The following QKI variants were observed in gnomAD, a reference collection of about 807,000 sequenced individuals.
QKI encodes QKI, KH domain containing RNA binding.
A neutral mutation model predicts 39.0 loss-of-function variants in QKI; 10 were observed. The ratio of observed to expected loss-of-function variants is 0.26; its 90% confidence interval spans 0.16 to 0.43. QKI has a LOEUF of 0.43. Among genes scored for constraint, QKI ranks in the 20% least tolerant of loss-of-function variants. The pLI is 1.00. For synonymous variants in QKI, 204 were observed against 155.4 expected, an observed-to-expected ratio of 1.31 and a Z score of -2.33; for missense variants, 218 against 428.0, an observed-to-expected ratio of 0.51 and a Z score of 4.33.
At chr6:163,434,954 A>T (rs1030815342) in intron 1 of QKI, among the ~76,000 whole-genome samples, 5 of 152,168 alleles carry the variant, frequency 3.3e-5, no homozygotes, top group African/African-American at 1.2e-4. Context: ...TGGTAAATTA[A>T]ACTGTAAAAT....
chr6:163,437,118 C>A (rs1426006586), intron 1 of QKI, among the ~76,000 whole-genome samples: 1 of 152,042 alleles, frequency 6.6e-6, no homozygotes, highest in South Asian at 2.1e-4. Flanking sequence ...AGAGGTAAAG[C>A]CTTTGTGAGA....
Position 163,495,166 on chromosome 6 carries a change from C to T in QKI, c.402+16270C>T, listed in dbSNP as rs771760749. Among the ~76,000 whole-genome samples, 11 of 152,092 alleles carry T rather than the reference C, an allele frequency of 7.2e-5. 1 individual carries two copies. On this transcript the variant is annotated intron_variant, in intron 3 of 7. Coordinates refer to ENST00000361752, the MANE Select transcript of QKI (RefSeq NM_006775.3). ...CTGACCTCAAGTGATCTGCCTGCCT[C>T]GGCCTCCCAAAGTGCTGGGATTACA...
chr6:163,521,356 A>C (rs934803359), intron 3 of QKI, among the ~76,000 whole-genome samples: 2 of 152,176 alleles, frequency 1.3e-5, no homozygotes, highest in African/African-American at 4.8e-5. Flanking sequence ...AGATATTTAA[A>C]TGTGTTAAAC....
Position 163,532,379 on chromosome 6 carries a change from G to A in QKI, c.403-2603G>A, listed in dbSNP as rs567613154. On this transcript the variant is annotated intron_variant, in intron 3 of 7. Coordinates refer to ENST00000361752, the MANE Select transcript of QKI (RefSeq NM_006775.3). ...TTGATTGGGGGGGAGGTGGTCTCAT[G>A]TATTGCATTTTTCTTGCTGCTTTGC... 4.6e-5 allele frequency among the ~76,000 whole-genome samples: 7 copies of A among 152,280 alleles called. No individual in the cohort carries two copies. The South Asian group carries it at 1.5e-3, about 32-fold the overall frequency.
chr6:163,568,659 A>C (rs552629773), intron 7 of QKI: 1 of 976,864 alleles, frequency 1.0e-6, no homozygotes, highest in Non-Finnish European at 1.2e-6. Context: ...TTTGAAGAGA[A>C]GTTTATTAGT....
chr6:163,559,201 C>T (rs911329414), intron 4 of QKI, among the ~76,000 whole-genome samples: 1 of 151,660 alleles, frequency 6.6e-6, no homozygotes, highest in Non-Finnish European at 1.5e-5. Context: ...ACTCGTCTTT[C>T]GTCTTTATTT....
chr6:163,433,284 A>G (rs1370727769), intron 1 of QKI, among the ~76,000 whole-genome samples: 2 of 152,206 alleles, frequency 1.3e-5, no homozygotes, highest in Non-Finnish European at 2.9e-5. Context: ...ATTTAAAGAC[A>G]GATGGCTTGA....
At chr6:163,483,267 G>A (rs1793218325) in intron 3 of QKI, among the ~76,000 whole-genome samples, 2 of 152,190 alleles carry the variant, frequency 1.3e-5, no homozygotes, top group Admixed American at 1.3e-4. Flanking sequence ...GGAAGGCCTT[G>A]CCTGGATGTT....
At chr6:163,505,872 G>A (rs558537190) in intron 3 of QKI, among the ~76,000 whole-genome samples, 5 of 152,020 alleles carry the variant, frequency 3.3e-5, no homozygotes, top group African/African-American at 1.2e-4. Flanking sequence ...GGTCAGGGGC[G>A]GAATTACATG....
intron 3 of QKI, among the ~76,000 whole-genome samples, chr6:163,510,217 AAATAATAAT>A (rs142297811): frequency 0.37 from 50,892 of 136,026 alleles, 10,486 homozygotes; most frequent in East Asian, 0.54. Context: ...CTCTATCTCA[AAATAATAAT>A]AATAATAATA....
At chr6:163,445,950 C>G (rs919535275) in intron 1 of QKI, among the ~76,000 whole-genome samples, 5 of 152,158 alleles carry the variant, frequency 3.3e-5, no homozygotes, top group African/African-American at 1.2e-4. Flanking sequence ...GTAATATTAA[C>G]TTTGATTAGT....
chr6:163,518,713 A>T (rs1262690329), intron 3 of QKI, among the ~76,000 whole-genome samples: 3 of 152,202 alleles, frequency 2.0e-5, no homozygotes, highest in Admixed American at 2.0e-4. Context: ...AGTTTTATAC[A>T]TGTAAATAAA....
At chr6:163,431,354 TGC>T (rs1788815609) in intron 1 of QKI, among the ~76,000 whole-genome samples, 1 of 152,174 alleles carries the variant, frequency 6.6e-6, no homozygotes, top group Non-Finnish European at 1.5e-5. Context: ...AATTAAGATG[TGC>T]TGTTTTTTAA....
intron 6 of QKI, chr6:163,564,526 G>A: frequency 6.6e-7 from 1 of 1,509,052 alleles, no homozygotes; most frequent in Non-Finnish European, 8.8e-7. Context: ...GTACAGTATG[G>A]AATAGTTAAA....
chr6:163,441,169 A>G (rs1179335599), intron 1 of QKI, among the ~76,000 whole-genome samples: 1 of 152,138 alleles, frequency 6.6e-6, no homozygotes. Flanking sequence ...AGATGCCTGT[A>G]TATTTTATTT....
intron 3 of QKI, among the ~76,000 whole-genome samples, chr6:163,531,344 C>T (rs1422231680): frequency 6.6e-6 from 1 of 152,120 alleles, no homozygotes; most frequent in Non-Finnish European, 1.5e-5. Flanking sequence ...GCAGTTTGAG[C>T]AAGTGTTTTA....
rs772499491 is a variant in QKI, at chr6:163,541,074, C to T, written c.546+5949C>T. 4.6e-5 allele frequency among the ~76,000 whole-genome samples: 7 copies of T among 151,922 alleles called. 1 individual carries two copies. The highest frequency in any genetic ancestry group is 2.4e-5 in the African/African-American group (1 of 41,406). Reference sequence around the variant, plus strand: ...TAAAGGTAGATCAGTGATTTGAGACCTGTCTTTTGTACTTCTGAGACTTTT... The same window carrying T: ...TAAAGGTAGATCAGTGATTTGAGACTTGTCTTTTGTACTTCTGAGACTTTT... On this transcript the variant is annotated intron_variant, in intron 4 of 7. Transcript: ENST00000361752.
At chr6:163,492,258 A>G (rs1033806482) in intron 3 of QKI, among the ~76,000 whole-genome samples, 5 of 152,130 alleles carry the variant, frequency 3.3e-5, no homozygotes, top group African/African-American at 7.2e-5. Context: ...ATTCTATCCT[A>G]TTAGTTTTAG....
rs1783733132 is a variant in QKI, at chr6:163,572,214, A to G, written c.*1504A>G. 1 of 152,254 alleles carries G rather than the reference A, an allele frequency of 6.6e-6. No individual in the cohort carries two copies. The highest frequency in any genetic ancestry group is 6.5e-5 in the Admixed American group (1 of 15,286). 9.4% of individuals were successfully genotyped at this position (152,254 alleles called of 1,614,324 possible). ...ATGTGTCATCTAAACTTCAGTTTAC[A>G]GACAAAATTAGAGCTTTGTTTTATT... On this transcript the variant is annotated 3_prime_UTR_variant, in exon 8 of 8. Transcript: ENST00000361752.
Sources: allele counts gnomAD v4.1 joint callset (sites outside exome capture counted in the v4.1 genomes callset), GRCh38; gene constraint gnomAD v4.1.1; transcripts MANE v1.5; gene names NCBI Gene and HGNC (gene_info 2026-07-23, HGNC 2026-07-21).